Variants in PRDM5 observed in about 807,000 individuals in gnomAD.
PRDM5 encodes PR/SET domain 5.
A neutral mutation model predicts 81.2 loss-of-function variants in PRDM5; 56 were observed. That is an observed-to-expected ratio of 0.69 (90% CI 0.56 to 0.86). PRDM5 has a LOEUF of 0.86. Ranked by LOEUF, PRDM5 falls within the 40% of genes least tolerant of loss-of-function variation. The pLI is 0.00. For missense variants in PRDM5, 697 were observed against 770.1 expected (o/e 0.91, Z 1.12); for synonymous variants, 267 against 256.4 (o/e 1.04, Z -0.39).
chr4:120,906,260 T>C (rs1427384234), intron 2 of PRDM5, among the ~76,000 whole-genome samples: 1 of 152,190 alleles, frequency 6.6e-6, no homozygotes, highest in Non-Finnish European at 1.5e-5. Context: ...CAAGCCACTG[T>C]GCCTGGCTTG....
chr4:120,889,702 A>G (rs111866688), intron 2 of PRDM5, among the ~76,000 whole-genome samples: 8 of 152,298 alleles, frequency 5.3e-5, no homozygotes, highest in African/African-American at 1.9e-4. Flanking sequence ...ATAGTATACA[A>G]TAGTTTTTCA....
At chr4:120,902,469 T>C (rs949528049) in intron 2 of PRDM5, among the ~76,000 whole-genome samples, 5 of 152,208 alleles carry the variant, frequency 3.3e-5, no homozygotes, top group Admixed American at 3.3e-4. Flanking sequence ...GAAGGAAATG[T>C]ATCTCAAGCT....
chr4:120,805,652 C>G (rs180778369), intron 8 of PRDM5, among the ~76,000 whole-genome samples: 19 of 152,222 alleles, frequency 1.2e-4, no homozygotes, highest in African/African-American at 4.1e-4. Context: ...AATTCAATAG[C>G]CCTTCATGCT....
At chr4:120,909,331 G>A (rs1323683635) in intron 1 of PRDM5, among the ~76,000 whole-genome samples, 1 of 152,090 alleles carries the variant, frequency 6.6e-6, no homozygotes, top group African/African-American at 2.4e-5. Context: ...GCAATGACCT[G>A]GGCCGTGCAA....
intron 14 of PRDM5, among the ~76,000 whole-genome samples, chr4:120,713,782 C>T (rs1737353968): frequency 6.6e-6 from 1 of 152,082 alleles, no homozygotes; most frequent in Non-Finnish European, 1.5e-5. Context: ...TAATAAAATA[C>T]CATACACTGG....
intron 15 of PRDM5, among the ~76,000 whole-genome samples, chr4:120,699,161 A>AAT (rs70948358): frequency 0.014 from 992 of 73,062 alleles, 12 homozygotes; most frequent in African/African-American, 0.029. Flanking sequence ...AGGAAATATA[A>AAT]ATATATATAT....
intron 14 of PRDM5, among the ~76,000 whole-genome samples, chr4:120,740,741 T>C (rs1179340536): frequency 6.6e-6 from 1 of 152,216 alleles, no homozygotes; most frequent in Non-Finnish European, 1.5e-5. Flanking sequence ...ACTCAAGTGC[T>C]ACTTCCTTCA....
At chr4:120,844,028 A>T (rs538482449) in intron 3 of PRDM5, among the ~76,000 whole-genome samples, 1 of 152,284 alleles carries the variant, frequency 6.6e-6, no homozygotes, top group South Asian at 2.1e-4. Context: ...GGAGCTCAGT[A>T]GCAGGGTGCA....
At position 120,826,937 on chromosome 4, in the gene PRDM5, CACTA is replaced by C. The variant is rs1211675876; in HGVS notation, c.301-5596_301-5593del. On this transcript the variant is annotated intron_variant, in intron 3 of 15. Transcript: ENST00000264808. ...TTCTTCTTACAGATTCGAAACAAAA[CACTA>C]ACTGTGAATTTTTGCTTTAAATCTA... Among the ~76,000 whole-genome samples, 8 of 152,266 alleles carry C rather than the reference CACTA, an allele frequency of 5.3e-5. No individual in the cohort carries two copies. In the East Asian group the frequency reaches 1.4e-3, roughly 26 times the overall value.
intron 2 of PRDM5, among the ~76,000 whole-genome samples, chr4:120,884,120 A>G (rs188524641): frequency 1.3e-5 from 2 of 152,322 alleles, no homozygotes; most frequent in African/African-American, 4.8e-5. Flanking sequence ...ACTACTGCAT[A>G]TATTGAAATA....
At chr4:120,903,315 G>A (rs991909349) in intron 2 of PRDM5, among the ~76,000 whole-genome samples, 2 of 152,158 alleles carry the variant, frequency 1.3e-5, no homozygotes, top group Non-Finnish European at 2.9e-5. Context: ...AGTTCCACAA[G>A]GGGCAGAAGC....
At chr4:120,734,550 T>C (rs1740818450) in intron 14 of PRDM5, among the ~76,000 whole-genome samples, 4 of 152,218 alleles carry the variant, frequency 2.6e-5, no homozygotes, top group Admixed American at 6.5e-5. Flanking sequence ...TATGGTTATA[T>C]GTATCATAAA....
chr4:120,862,807 T>C (rs949417169), intron 2 of PRDM5, among the ~76,000 whole-genome samples: 1 of 152,154 alleles, frequency 6.6e-6, no homozygotes, highest in African/African-American at 2.4e-5. Flanking sequence ...GAATGTTTAA[T>C]GGGCTTCCTT....
At chr4:120,789,714 G>A (rs2149260879) in intron 10 of PRDM5, among the ~76,000 whole-genome samples, 1 of 152,230 alleles carries the variant, frequency 6.6e-6, no homozygotes, top group South Asian at 2.1e-4. Context: ...AATTTTTACT[G>A]TCAAATTTAT....
intron 2 of PRDM5, among the ~76,000 whole-genome samples, chr4:120,891,240 T>C (rs2148624226): frequency 6.6e-6 from 1 of 152,310 alleles, no homozygotes; most frequent in Non-Finnish European, 1.5e-5. Context: ...AAGATTCCAT[T>C]TCTTCCTGGT....
At position 120,692,056 on chromosome 4, in the gene PRDM5, C is replaced by T. The variant is rs1300559245; in HGVS notation, c.*3055G>A. 6.6e-6 allele frequency: 1 copy of T among 152,020 alleles called. No homozygotes were observed. The highest frequency in any genetic ancestry group is 2.4e-5 in the African/African-American group (1 of 41,412). The allele number at this position is 152,020 out of a possible 1,614,324, so 9.4% of individuals were successfully genotyped here. On this transcript the variant is annotated 3_prime_UTR_variant, in exon 16 of 16. Transcript: ENST00000264808. ...GTAAAATTTTAGGATTTTAAAGAGGCACATTTCCTCCTACCTACCCACTTC... is the reference window on the plus strand; with the variant it reads ...GTAAAATTTTAGGATTTTAAAGAGGTACATTTCCTCCTACCTACCCACTTC...
intron 14 of PRDM5, among the ~76,000 whole-genome samples, chr4:120,727,586 A>G (rs188930986): frequency 1.3e-5 from 2 of 152,338 alleles, no homozygotes; most frequent in Admixed American, 6.5e-5. Context: ...CTTAACAAGC[A>G]TCTCCAAATG....
intron 2 of PRDM5, among the ~76,000 whole-genome samples, chr4:120,897,387 G>A (rs1055619845): frequency 6.6e-6 from 1 of 151,486 alleles, no homozygotes; most frequent in Admixed American, 6.6e-5. Flanking sequence ...TTTTCTAGCT[G>A]CTTTTAGGAT....
chr4:120,746,760 C>T (rs1743139630), intron 14 of PRDM5, among the ~76,000 whole-genome samples: 1 of 143,806 alleles, frequency 7.0e-6, no homozygotes, highest in Admixed American at 7.3e-5. Flanking sequence ...GTTACAATGG[C>T]AATCATTAAA....
Sources: gnomAD v4.1 joint callset for allele counts (sites outside exome capture counted in the v4.1 genomes callset) on GRCh38, gnomAD v4.1.1 for gene constraint, MANE v1.5 for transcripts, NCBI Gene and HGNC (gene_info 2026-07-23, HGNC 2026-07-21) for gene names.